Variants in MREG observed in about 807,000 individuals in gnomAD.
MREG encodes dilute suppressor protein homolog.
MREG carries 31 observed loss-of-function variants against 28.5 expected under a neutral mutation model. The ratio of observed to expected loss-of-function variants is 1.09; its 90% CI spans 0.82 to 1.47. The LOEUF (loss-of-function observed/expected upper bound fraction) is 1.47, where lower values mean the gene tolerates loss of function less well. Ranked by LOEUF, MREG falls within the 40% of genes most tolerant of loss-of-function variation. The probability of loss-of-function intolerance (pLI) is 0.00; values close to 1 mark genes in which losing one functional copy is unlikely to be tolerated. For missense variants in MREG, 256 were observed against 257.4 expected (o/e 0.99, Z 0.04); for synonymous variants, 106 against 95.2 (o/e 1.11, Z -0.66).
At chr2:216,034,011 T>C (rs1694753011), upstream of MREG, 1 of 152,324 alleles carries the variant, frequency 6.6e-6, no homozygotes, top group East Asian at 1.9e-4. Context: ...CTTATTTCAA[T>C]AGATGGCTCC....
chr2:216,011,155 T>C (rs1206382680), intron 1 of MREG, among the ~76,000 whole-genome samples: 1 of 150,670 alleles, frequency 6.6e-6, no homozygotes, highest in Non-Finnish European at 1.5e-5. Flanking sequence ...TACTAAAAAC[T>C]ACTGAATTGC....
intron 2 of MREG, among the ~76,000 whole-genome samples, chr2:215,994,309 G>A (rs912434493): frequency 7.3e-5 from 11 of 151,680 alleles, no homozygotes; most frequent in Non-Finnish European, 1.2e-4. Context: ...AACTAACACA[G>A]GAACAGAAAA....
At chr2:215,968,392 G>C (rs537107538) in intron 2 of MREG, among the ~76,000 whole-genome samples, 3 of 152,270 alleles carry the variant, frequency 2.0e-5, no homozygotes, top group African/African-American at 7.2e-5. Context: ...CCTCACAACA[G>C]AACCCCAACA....
At chr2:216,022,041 C>T (rs887435301) in intron 1 of MREG, among the ~76,000 whole-genome samples, 17 of 152,110 alleles carry the variant, frequency 1.1e-4, no homozygotes, top group Non-Finnish European at 2.1e-4. Flanking sequence ...AGTTCAAGGC[C>T]AGCCTGGCCA....
chr2:215,949,968 C>A (rs1366806261), intron 2 of MREG, among the ~76,000 whole-genome samples: 1 of 152,146 alleles, frequency 6.6e-6, no homozygotes, highest in Non-Finnish European at 1.5e-5. Flanking sequence ...AAAAAGATGA[C>A]AATAAAATAA....
chr2:216,001,574 TAATTGC>T (rs769032831), intron 1 of MREG, among the ~76,000 whole-genome samples: 7 of 152,204 alleles, frequency 4.6e-5, no homozygotes, highest in Non-Finnish European at 1.0e-4. Context: ...TCTTATTCAG[TAATTGC>T]AAGCTTTCTT....
chr2:215,994,836 G>C (rs563070015), intron 2 of MREG, among the ~76,000 whole-genome samples: 9 of 152,296 alleles, frequency 5.9e-5, no homozygotes, highest in African/African-American at 2.2e-4. Flanking sequence ...TTCAGCTCCA[G>C]ATACTTTTCC....
intron 2 of MREG, among the ~76,000 whole-genome samples, chr2:215,971,345 C>A (rs192154607): frequency 8.5e-5 from 13 of 152,306 alleles, no homozygotes; most frequent in Admixed American, 6.5e-4. Flanking sequence ...CTGCTATCCA[C>A]GCTTGGAGGT....
chr2:215,972,555 G>T (rs1270633829), intron 2 of MREG, among the ~76,000 whole-genome samples: 28 of 150,154 alleles, frequency 1.9e-4, no homozygotes. Flanking sequence ...AGGCGAGGTT[G>T]CGGTGAGCCG....
intron 2 of MREG, among the ~76,000 whole-genome samples, chr2:215,969,458 G>A (rs1693030430): frequency 6.6e-6 from 1 of 152,170 alleles, no homozygotes; most frequent in Non-Finnish European, 1.5e-5. Context: ...CCAATTTCAT[G>A]GGTGCTGGCA....
At chr2:215,949,087 C>CTAATAATAATAATAA (rs58773562) in intron 2 of MREG, among the ~76,000 whole-genome samples, 2 of 124,600 alleles carry the variant, frequency 1.6e-5, no homozygotes, top group African/African-American at 3.1e-5. Context: ...ACTACTACTA[C>CTAATAATAATAATAA]TAATAATAAT....
At chr2:216,019,806 C>G (rs1694496102) in intron 1 of MREG, among the ~76,000 whole-genome samples, 1 of 152,132 alleles carries the variant, frequency 6.6e-6, no homozygotes, top group South Asian at 2.1e-4. Flanking sequence ...CTTCCAGCCT[C>G]AAACTATTTT....
At chr2:215,948,239 C>T (rs1692371947) in intron 2 of MREG, among the ~76,000 whole-genome samples, 1 of 152,166 alleles carries the variant, frequency 6.6e-6, no homozygotes, top group Non-Finnish European at 1.5e-5. Flanking sequence ...TTTATAGATA[C>T]CACTTGGAAA....
rs796703059 is a variant in MREG at position 216,007,743 on chromosome 2, T to TTC, written c.95+5489_95+5490insGA. Among the ~76,000 whole-genome samples, 55 of 16,522 alleles carry TTC rather than the reference T, an allele frequency of 3.3e-3. 2 individuals are homozygous for TTC. In the East Asian group the frequency reaches 0.09, roughly 27 times the overall value. The allele number at this position is 16,522 out of a possible 152,430, so 10.8% of individuals were successfully genotyped here. A position where few individuals can be genotyped will look rare whatever the true frequency, so the allele number is the denominator to read the frequency against. The stretch of plus-strand genomic sequence containing the variant: ...CTGCACCCAACCCCCACTTAGCGGC[T>TTC]TTTTTTTTGCATTTTTGTACTTTTA... On this transcript the variant is annotated intron_variant, in intron 1 of 4. Coordinates refer to ENST00000263268, the MANE Select transcript of MREG (RefSeq NM_018000.3).
chr2:215,981,150 C>T (rs1163702836), intron 2 of MREG, among the ~76,000 whole-genome samples: 2 of 152,160 alleles, frequency 1.3e-5, no homozygotes, highest in Non-Finnish European at 2.9e-5. Flanking sequence ...AATTCCACTT[C>T]TAGGTATATG....
At chr2:216,015,503 A>C (rs1263733757), upstream of MREG, among the ~76,000 whole-genome samples, 1 of 152,198 alleles carries the variant, frequency 6.6e-6, no homozygotes, top group Non-Finnish European at 1.5e-5. Flanking sequence ...ATTGATTGCA[A>C]GGACTCTGGA....
intron 1 of MREG, among the ~76,000 whole-genome samples, chr2:216,024,861 C>T (rs143326784): frequency 0.03 from 3,972 of 133,746 alleles, 147 homozygotes; most frequent in African/African-American, 0.096. Flanking sequence ...CCAGCCTGGG[C>T]GACGGAGCAA....
intron 2 of MREG, among the ~76,000 whole-genome samples, chr2:215,970,728 G>T (rs1184732944): frequency 6.6e-6 from 1 of 152,208 alleles, no homozygotes; most frequent in Non-Finnish European, 1.5e-5. Context: ...AATGCCACAG[G>T]CTTGTAAAGC....
At chr2:215,957,659 G>C (rs950059800) in intron 2 of MREG, among the ~76,000 whole-genome samples, 1 of 152,074 alleles carries the variant, frequency 6.6e-6, no homozygotes, top group South Asian at 2.1e-4. Context: ...GAGGTTTCAG[G>C]CTTCCGGACT....
Sources: gnomAD v4.1 joint callset for allele counts (sites outside exome capture counted in the v4.1 genomes callset) on GRCh38, gnomAD v4.1.1 for gene constraint, MANE v1.5 for transcripts, NCBI Gene and HGNC (gene_info 2026-07-23, HGNC 2026-07-21) for gene names.